Variants in CATSPERE observed in about 807,000 individuals in gnomAD.
CATSPERE encodes the protein cation channel sperm-associated auxiliary subunit epsilon.
A neutral mutation model predicts 114.1 loss-of-function variants in CATSPERE; 93 were observed. That is an observed-to-expected ratio of 0.81 (90% CI 0.69 to 0.97). CATSPERE has a LOEUF of 0.97. CATSPERE is among the 50% of genes least tolerant of loss of function. CATSPERE has a pLI of 0.00. For missense variants in CATSPERE, 1,058 were observed against 1,131.6 expected, an observed-to-expected ratio of 0.93 and a Z score of 0.93; for synonymous variants, 341 against 384.1, an observed-to-expected ratio of 0.89 and a Z score of 1.31.
At chr1:244,508,695 T>C (rs1675224165) in intron 7 of CATSPERE, among the ~76,000 whole-genome samples, 1 of 151,764 alleles carries the variant, frequency 6.6e-6, no homozygotes, top group South Asian at 2.1e-4. Context: ...AATCTAGGTT[T>C]TTCTATATAT....
intron 10 of CATSPERE, among the ~76,000 whole-genome samples, chr1:244,562,147 C>G (rs1050013726): frequency 3.3e-5 from 3 of 92,006 alleles, no homozygotes; most frequent in African/African-American, 1.5e-4. Flanking sequence ...GAGCGAGATC[C>G]TGTCTCAAAA....
chr1:244,525,666 C>T (rs1174954820), intron 8 of CATSPERE, among the ~76,000 whole-genome samples: 2 of 152,034 alleles, frequency 1.3e-5, no homozygotes, highest in East Asian at 1.9e-4. Context: ...AGCTCAATAC[C>T]ACTGTATACC....
Position 244,502,765 on chromosome 1 carries a change from G to A in CATSPERE, c.429+3686G>A, listed in dbSNP as rs150628256. ...GGAAAGGAGGGAGATACAATTTTTA[G>A]GCTATCACTGCCGTGGACCACTAGA... is the stretch of plus-strand genomic sequence containing the variant. On this transcript the variant is annotated intron_variant, in intron 7 of 21. Transcript: ENST00000366534. Among the ~76,000 whole-genome samples, 628 of 152,280 alleles carry A rather than the reference G, an allele frequency of 4.1e-3. 1 individual carries two copies. The highest frequency in any genetic ancestry group is 7.2e-3 in the Non-Finnish European group (490 of 68,026).
At chr1:244,523,464 A>G (rs1677964726) in intron 8 of CATSPERE, among the ~76,000 whole-genome samples, 1 of 137,002 alleles carries the variant, frequency 7.3e-6, no homozygotes, top group Non-Finnish European at 1.5e-5. Context: ...CCTATTCAAC[A>G]TAGTGTTGGA....
chr1:244,475,586 G>C (rs1669201246), intron 2 of CATSPERE, among the ~76,000 whole-genome samples: 1 of 141,732 alleles, frequency 7.1e-6, no homozygotes, highest in Non-Finnish European at 1.5e-5. Context: ...CGCCAGGCTA[G>C]AGTGCAGTGG....
intron 19 of CATSPERE, among the ~76,000 whole-genome samples, chr1:244,612,876 A>G (rs1475518182): frequency 6.6e-6 from 1 of 152,190 alleles, no homozygotes; most frequent in African/African-American, 2.4e-5. Context: ...GGGCTTTCGC[A>G]TGAAAAAAGA....
chr1:244,552,121 G>GC (rs1553354993), intron 8 of CATSPERE, among the ~76,000 whole-genome samples: 1 of 144,488 alleles, frequency 6.9e-6, no homozygotes, highest in Non-Finnish European at 1.5e-5. Context: ...GACAGAAACA[G>GC]CTGCAAGAGT....
chr1:244,608,132 A>G (rs1023629140), intron 18 of CATSPERE, among the ~76,000 whole-genome samples: 1 of 152,130 alleles, frequency 6.6e-6, no homozygotes, highest in South Asian at 2.1e-4. Context: ...TAATTTTTTT[A>G]AAAAGAATTA....
chr1:244,553,306 A>C (rs1660944272), intron 9 of CATSPERE, among the ~76,000 whole-genome samples: 1 of 152,016 alleles, frequency 6.6e-6, no homozygotes, highest in African/African-American at 2.4e-5. Context: ...TCACACCTGT[A>C]ATCACAGCAC....
At position 244,602,835 on chromosome 1, in the gene CATSPERE, G is replaced by A. The variant is rs190379214; in HGVS notation, c.2304-2860G>A. Among the ~76,000 whole-genome samples, 95 of 152,236 alleles carry A rather than the reference G, an allele frequency of 6.2e-4. 2 individuals are homozygous for A. The East Asian group carries it at 0.013, about 20-fold the overall frequency. ...AGGTACGGTAAGATATACAGACGCG[G>A]AAATGGCCATCAGGAAGGAAGTGCA... On this transcript the variant is annotated intron_variant, in intron 17 of 21. Coordinates refer to ENST00000366534, the MANE Select transcript of CATSPERE (RefSeq NM_001130957.2).
In CATSPERE at chr1:244,617,762, A is replaced by C. The variant is rs985042563; in HGVS notation, c.2648+76A>C. 9.3e-6 allele frequency: 11 copies of C among 1,185,600 alleles called. No homozygotes were observed. In the African/African-American group the frequency reaches 1.5e-4, roughly 16 times the overall value. 73.4% of individuals were successfully genotyped at this position (1,185,600 alleles called of 1,614,324 possible). A position where few individuals can be genotyped will look rare whatever the true frequency, so the allele number is the denominator to read the frequency against. On this transcript the variant is annotated intron_variant, in intron 20 of 21. Coordinates refer to ENST00000366534, the MANE Select transcript of CATSPERE (RefSeq NM_001130957.2). ...TTATTTTTTTAATTTGATGCATCCT[A>C]TACATTCAATCATTGTTATTCTTGT...
chr1:244,593,343 T>C (rs1432682680), intron 15 of CATSPERE, 52 bp from the exon 16 acceptor site: 8 of 1,591,892 alleles, frequency 5.0e-6, no homozygotes, highest in Non-Finnish European at 6.9e-6. Context: ...ATGGGTTTAG[T>C]TTTAAGTTTG....
chr1:244,575,364 A>T lies in CATSPERE; in HGVS notation c.1950+2592A>T, dbSNP rs1665084851. Among the ~76,000 whole-genome samples the T allele has an allele frequency of 6.6e-6, 1 of 152,190 alleles. No individual in the cohort carries two copies. On this transcript the variant is annotated intron_variant, in intron 11 of 21. Coordinates refer to ENST00000366534, the MANE Select transcript of CATSPERE (RefSeq NM_001130957.2). This position sits in a 1 kb window ranked among gnomAD's most constrained non-coding sequence, Gnocchi z 4.5. ...CTCTTCTTCCACGCAGAGCCAGGCT[A>T]GGGAGAGGGACCTACCTCTTGGCTG...
At chr1:244,529,573 G>A (rs965584362) in intron 8 of CATSPERE, among the ~76,000 whole-genome samples, 2 of 151,974 alleles carry the variant, frequency 1.3e-5, no homozygotes, top group Non-Finnish European at 2.9e-5. Context: ...TTAATCCCTT[G>A]TCAGATGGAT....
rs924360882 is a variant in CATSPERE at position 244,573,451 on chromosome 1, C to A, written c.1950+679C>A. ...ACAAAACAAAACAAAACAAAAAAAC[C>A]AATTCTATCCGTCAATAGTTTGGGC... On this transcript the variant is annotated intron_variant, in intron 11 of 21. Coordinates refer to ENST00000366534, the MANE Select transcript of CATSPERE (RefSeq NM_001130957.2). The surrounding 1 kb of genome is among the most constrained non-coding windows in gnomAD (Gnocchi z 4.0). 4.6e-5 allele frequency among the ~76,000 whole-genome samples: 6 copies of A among 130,876 alleles called. No homozygotes were observed. Among genetic ancestry groups the A allele is most frequent in the African/African-American group, 1.8e-4 (6 of 33,834 alleles). The allele number at this position is 130,876 out of a possible 152,430, so 85.9% of individuals were successfully genotyped here.
At chr1:244,570,608 C>A (rs572553429) in intron 10 of CATSPERE, among the ~76,000 whole-genome samples, 2 of 152,288 alleles carry the variant, frequency 1.3e-5, no homozygotes, top group South Asian at 2.1e-4. Context: ...TCTTTTAAAT[C>A]ATTCTTAATT....
Position 244,575,419 on chromosome 1 carries a change from C to T in CATSPERE, c.1950+2647C>T, listed in dbSNP as rs191957674. Among the ~76,000 whole-genome samples the T allele has an allele frequency of 8.7e-4, 132 of 152,304 alleles. No homozygotes were observed. The highest frequency in any genetic ancestry group is 2.8e-3 in the African/African-American group (118 of 41,572). On this transcript the variant is annotated intron_variant, in intron 11 of 21. Coordinates refer to ENST00000366534, the MANE Select transcript of CATSPERE (RefSeq NM_001130957.2). This position sits in a 1 kb window ranked among gnomAD's most constrained non-coding sequence, Gnocchi z 4.5. ...GCTGCGCGGCATGGTATCCTGGCCCCGGCACACTCACACTTTCCTGCTCAG... is the reference window on the plus strand; with the variant it reads ...GCTGCGCGGCATGGTATCCTGGCCCTGGCACACTCACACTTTCCTGCTCAG...
upstream of CATSPERE, chr1:244,451,920 C>T (rs1372127165): frequency 1.3e-5 from 16 of 1,250,530 alleles, no homozygotes; most frequent in Non-Finnish European, 1.5e-5. This position sits in a 1 kb window ranked among gnomAD's most constrained non-coding sequence, Gnocchi z 6.6. Flanking sequence ...GAAGAAGGAG[C>T]CAGAGGCCGG....
intron 8 of CATSPERE, among the ~76,000 whole-genome samples, chr1:244,521,522 G>A (rs959760454): frequency 6.6e-6 from 1 of 151,754 alleles, no homozygotes; most frequent in African/African-American, 2.4e-5. Context: ...TCTCAAGAGG[G>A]AAAAAATAAA....
Sources: allele counts gnomAD v4.1 joint callset (sites outside exome capture counted in the v4.1 genomes callset), GRCh38; gene constraint gnomAD v4.1.1; non-coding constraint Gnocchi (gnomAD v3.1); transcripts MANE v1.5; gene names NCBI Gene and HGNC (gene_info 2026-07-23, HGNC 2026-07-21).